LRRC3B: variants seen among roughly 807,000 people sequenced by gnomAD.
LRRC3B encodes the protein leucine-rich repeat-containing protein 3B.
LRRC3B carries 2 observed loss-of-function variants against 12.8 expected under a neutral mutation model. That is an observed-to-expected ratio of 0.16 (90% CI 0.06 to 0.49). LRRC3B has a LOEUF of 0.49. Among genes scored for constraint, LRRC3B ranks in the 20% least tolerant of loss-of-function variants. The probability of loss-of-function intolerance (pLI) is 0.96; values close to 1 mark genes in which losing one functional copy is unlikely to be tolerated. For missense variants in LRRC3B, 189 were observed against 319.4 expected, an observed-to-expected ratio of 0.59 and a Z score of 3.11; for synonymous variants, 132 against 122.0, an observed-to-expected ratio of 1.08 and a Z score of -0.54.
chr3:26,667,348 A>G (rs1699627619), intron 1 of LRRC3B, among the ~76,000 whole-genome samples: 1 of 152,206 alleles, frequency 6.6e-6, no homozygotes, highest in African/African-American at 2.4e-5. Context: ...CTCCTTTAAG[A>G]CTAGCTTTGG....
chr3:26,674,793 A>G (rs1699823940), intron 1 of LRRC3B, among the ~76,000 whole-genome samples: 1 of 152,172 alleles, frequency 6.6e-6, no homozygotes. Context: ...GCTCCAACCT[A>G]CAACCTTCTC....
chr3:26,710,182 G>T (rs1700715006), exon 2 of LRRC3B: 1 of 1,613,770 alleles, frequency 6.2e-7, no homozygotes, highest in Non-Finnish European at 8.5e-7. Context: ...CCCACAACGT[G>T]ATCTGTAAAA....
At chr3:26,634,722 G>A (rs1698829436) in intron 1 of LRRC3B, among the ~76,000 whole-genome samples, 1 of 152,126 alleles carries the variant, frequency 6.6e-6, no homozygotes, top group Admixed American at 6.5e-5. Flanking sequence ...TCCATTCCAG[G>A]TTGGCTTTGA....
chr3:26,654,189 G>A (rs1699323114), intron 1 of LRRC3B, among the ~76,000 whole-genome samples: 1 of 152,186 alleles, frequency 6.6e-6, no homozygotes. Flanking sequence ...TGAAGTGGCT[G>A]TTTAAGTATT....
chr3:26,670,693 G>A (rs1026564480), intron 1 of LRRC3B, among the ~76,000 whole-genome samples: 3 of 152,170 alleles, frequency 2.0e-5, no homozygotes, highest in African/African-American at 7.2e-5. Flanking sequence ...CTAGTTAACT[G>A]TGTGACCTTG....
chr3:26,640,040 C>G (rs903613233), intron 1 of LRRC3B, among the ~76,000 whole-genome samples: 3 of 152,112 alleles, frequency 2.0e-5, no homozygotes, highest in African/African-American at 7.2e-5. Flanking sequence ...GTTCCTTGCT[C>G]CAAGCCCCAC....
chr3:26,632,022 A>G (rs1486852197), intron 1 of LRRC3B, among the ~76,000 whole-genome samples: 2 of 152,248 alleles, frequency 1.3e-5, no homozygotes, highest in Admixed American at 6.5e-5. Context: ...TTACAGATCC[A>G]ACAATGATAG....
chr3:26,623,961 A>C (rs1463240366), intron 1 of LRRC3B: 1 of 152,372 alleles, frequency 6.6e-6, no homozygotes, highest in African/African-American at 2.4e-5. Context: ...GAGGGAAATG[A>C]AAAGGTACTG....
intron 1 of LRRC3B, among the ~76,000 whole-genome samples, chr3:26,652,767 A>G (rs1000292947): frequency 6.6e-6 from 1 of 152,112 alleles, no homozygotes; most frequent in East Asian, 1.9e-4. Context: ...AAAGTACATA[A>G]TTTTTTATTT....
At chr3:26,687,351 C>T (rs1273167100) in intron 1 of LRRC3B, among the ~76,000 whole-genome samples, 1 of 152,160 alleles carries the variant, frequency 6.6e-6, no homozygotes, top group Non-Finnish European at 1.5e-5. Context: ...AAAATTTTTG[C>T]TGCTATGACA....
chr3:26,662,932 G>A (rs1433713849), intron 1 of LRRC3B, among the ~76,000 whole-genome samples: 2 of 152,142 alleles, frequency 1.3e-5, no homozygotes, highest in African/African-American at 2.4e-5. Flanking sequence ...AGGAAGGAGG[G>A]ATATGAGGGT....
rs1350247530 is a variant in LRRC3B at position 26,686,081 on chromosome 3, C to CCTTT, written c.-160-23427_-160-23424dup. Reference sequence around the variant, plus strand: ...GCCTAGGTAAATGGTTATTTATTTTCCTTTCTTTTTTTTTTCGAGATGGAG... The same window carrying CCTTT: ...GCCTAGGTAAATGGTTATTTATTTTCCTTTCTTTCTTTTTTTTTTCGAGATGGAG... On this transcript the variant is annotated intron_variant, in intron 1 of 1. Transcript: ENST00000396641. Among the ~76,000 whole-genome samples, 116 of 151,944 alleles carry CCTTT rather than the reference C, an allele frequency of 7.6e-4. 1 individual carries two copies. Among genetic ancestry groups the CCTTT allele is most frequent in the African/African-American group, 2.5e-3 (104 of 41,450 alleles).
chr3:26,665,381 T>C (rs1451822691), intron 1 of LRRC3B, among the ~76,000 whole-genome samples: 2 of 152,190 alleles, frequency 1.3e-5, no homozygotes, highest in Non-Finnish European at 2.9e-5. Context: ...GTTTTCTTCT[T>C]GTCCTTCTTA....
intron 1 of LRRC3B, among the ~76,000 whole-genome samples, chr3:26,685,840 G>A (rs1046185404): frequency 6.6e-6 from 1 of 151,852 alleles, no homozygotes; most frequent in Non-Finnish European, 1.5e-5. Context: ...TAGTGGTTCA[G>A]TGGGGGCACA....
chr3:26,648,428 G>T (rs936697067), intron 1 of LRRC3B, among the ~76,000 whole-genome samples: 7 of 152,048 alleles, frequency 4.6e-5, no homozygotes, highest in Non-Finnish European at 1.0e-4. Context: ...TACAAGAAAT[G>T]AAAAGGGCTT....
intron 1 of LRRC3B, among the ~76,000 whole-genome samples, chr3:26,697,783 G>A (rs1700355915): frequency 6.6e-6 from 1 of 152,102 alleles, no homozygotes; most frequent in Non-Finnish European, 1.5e-5. Context: ...AAGACTCTAG[G>A]TATAAGCATC....
chr3:26,658,354 G>A (rs547704341), intron 1 of LRRC3B, among the ~76,000 whole-genome samples: 1 of 152,324 alleles, frequency 6.6e-6, no homozygotes, highest in Non-Finnish European at 1.5e-5. Context: ...CACCACGCCC[G>A]GCCAAGTCAG....
chr3:26,636,816 C>A (rs1324745573), intron 1 of LRRC3B, among the ~76,000 whole-genome samples: 1 of 62,380 alleles, frequency 1.6e-5, no homozygotes, highest in Non-Finnish European at 2.8e-5. Context: ...TTCCCTCCCT[C>A]CCTCCCTCCC....
rs768001958 is a variant in LRRC3B at position 26,685,615 on chromosome 3, G to GTATATATA, written c.-160-23886_-160-23879dup. 1.0e-3 allele frequency among the ~76,000 whole-genome samples: 123 copies of GTATATATA among 120,470 alleles called. 1 individual carries two copies. The highest frequency in any genetic ancestry group is 3.3e-3 in the South Asian group (12 of 3,676). 79.0% of individuals were successfully genotyped at this position (120,470 alleles called of 152,430 possible). On this transcript the variant is annotated intron_variant, in intron 1 of 1. Transcript: ENST00000396641. ...CACTCATATATATATATGTGTGTGT[G>GTATATATA]TATATATATATATATATATCTATAT...
Sources: gnomAD v4.1 joint callset for allele counts (sites outside exome capture counted in the v4.1 genomes callset) on GRCh38, gnomAD v4.1.1 for gene constraint, MANE v1.5 for transcripts, NCBI Gene and HGNC (gene_info 2026-07-23, HGNC 2026-07-21) for gene names.